NRG1: variants seen among roughly 807,000 people sequenced by gnomAD.
The protein encoded by NRG1 is pro-neuregulin-1, membrane-bound isoform.
In NRG1, 18 loss-of-function variants were observed where a neutral mutation model predicts 63.8. The observed-to-expected ratio is 0.28, with a 90% CI of 0.19 to 0.42. The LOEUF is 0.42. NRG1 is among the 10% of genes least tolerant of loss of function. The pLI is 1.00. For missense variants in NRG1, 762 were observed against 814.7 expected, an observed-to-expected ratio of 0.94 and a Z score of 0.79; for synonymous variants, 302 against 301.3, an observed-to-expected ratio of 1.00 and a Z score of -0.02.
intron 11 of NRG1, among the ~76,000 whole-genome samples, chr8:32,762,223 A>G (rs1002279279): frequency 6.6e-6 from 1 of 152,094 alleles, no homozygotes; most frequent in Non-Finnish European, 1.5e-5. Context: ...TCTTAAATTC[A>G]TATTTTTTTA....
intron 1 of NRG1, among the ~76,000 whole-genome samples, chr8:32,499,344 C>A (rs375810758): frequency 6.6e-6 from 1 of 152,104 alleles, no homozygotes; most frequent in East Asian, 1.9e-4. Flanking sequence ...GACTCTAAAG[C>A]CAGTTTTTGA....
intron 1 of NRG1, among the ~76,000 whole-genome samples, chr8:32,115,348 G>A (rs1345302871): frequency 6.6e-6 from 1 of 151,964 alleles, no homozygotes; most frequent in African/African-American, 2.4e-5. Context: ...GCCTATCATT[G>A]ACTAGAAATC....
intron 1 of NRG1, among the ~76,000 whole-genome samples, chr8:31,838,201 C>T (rs558627761): frequency 3.9e-5 from 6 of 152,100 alleles, no homozygotes; most frequent in Middle Eastern, 3.4e-3. Flanking sequence ...ATTTATTAAG[C>T]AATCCATCTT....
chr8:31,827,769 A>G (rs1824712062), intron 1 of NRG1, among the ~76,000 whole-genome samples: 3 of 152,138 alleles, frequency 2.0e-5, no homozygotes, highest in Admixed American at 2.0e-4. Context: ...TCTGGCTTTC[A>G]TTGCATCATT....
At chr8:32,331,089 C>T (rs60754823) in intron 1 of NRG1, among the ~76,000 whole-genome samples, 2 of 151,546 alleles carry the variant, frequency 1.3e-5, no homozygotes, top group African/African-American at 2.4e-5. Context: ...CTTTTTGTGG[C>T]GTGTAAAAAA....
intron 1 of NRG1, among the ~76,000 whole-genome samples, chr8:31,846,950 G>C (rs1211476342): frequency 6.6e-6 from 1 of 152,140 alleles, no homozygotes; most frequent in Non-Finnish European, 1.5e-5. Flanking sequence ...TAATAATAAA[G>C]GGGCACCTCT....
chr8:32,075,974 CAT>C (rs1826471105), intron 1 of NRG1, among the ~76,000 whole-genome samples: 2 of 152,262 alleles, frequency 1.3e-5, no homozygotes, highest in South Asian at 2.1e-4. Flanking sequence ...CGCTCGGCCA[CAT>C]GTTTTTAACT....
At chr8:31,926,767 G>A (rs767817353) in intron 1 of NRG1, among the ~76,000 whole-genome samples, 5 of 152,068 alleles carry the variant, frequency 3.3e-5, no homozygotes, top group Non-Finnish European at 7.4e-5. Context: ...GAAAAGCTTA[G>A]ACTCTGGGGA....
At chr8:31,840,793 C>T (rs1185004401) in intron 1 of NRG1, among the ~76,000 whole-genome samples, 1 of 152,152 alleles carries the variant, frequency 6.6e-6, no homozygotes, top group African/African-American at 2.4e-5. Flanking sequence ...GTTTGTATCA[C>T]TCTGTTAGGT....
At chr8:32,676,440 T>C (rs573935554) in intron 5 of NRG1, among the ~76,000 whole-genome samples, 1 of 152,318 alleles carries the variant, frequency 6.6e-6, no homozygotes, top group African/African-American at 2.4e-5. Context: ...TGTTCCGTAT[T>C]TCTCAATATG....
At chr8:31,906,316 A>C (rs1331993593) in intron 1 of NRG1, among the ~76,000 whole-genome samples, 1 of 152,216 alleles carries the variant, frequency 6.6e-6, no homozygotes. Flanking sequence ...GATCAGAGAA[A>C]GATCTAGGTG....
chr8:32,354,432 A>G (rs1806078032), intron 1 of NRG1, among the ~76,000 whole-genome samples: 1 of 152,098 alleles, frequency 6.6e-6, no homozygotes. Context: ...AAAGAAAACT[A>G]ATCTATATAA....
intron 1 of NRG1, among the ~76,000 whole-genome samples, chr8:32,371,673 G>C (rs867506926): frequency 3.9e-5 from 6 of 152,162 alleles, no homozygotes; most frequent in African/African-American, 1.4e-4. Flanking sequence ...CATGGAACTT[G>C]TCCTTTGCCT....
At chr8:32,003,665 A>G (rs918157662) in intron 1 of NRG1, among the ~76,000 whole-genome samples, 11 of 152,044 alleles carry the variant, frequency 7.2e-5, no homozygotes, top group African/African-American at 2.7e-4. Flanking sequence ...TATATCTTAT[A>G]ATTTTTGAAA....
chr8:32,346,181 A>G (rs1202793793), intron 1 of NRG1, among the ~76,000 whole-genome samples: 5 of 147,326 alleles, frequency 3.4e-5, no homozygotes, highest in Admixed American at 1.4e-4. Context: ...GTGAATATAT[A>G]CAGATGAATA....
rs1803635754 is a variant in NRG1, at chr8:31,640,439, G to A, written c.37+1008G>A. The stretch of plus-strand genomic sequence containing the variant: ...CCCACCGCCCCGGTGCCCAGCGCCG[G>A]CGAGCCCGGGGAGGAGGCGCCCTAT... On this transcript the variant is annotated intron_variant, in intron 1 of 10. Transcript: ENST00000519301. The surrounding 1 kb of genome is among the most constrained non-coding windows in gnomAD (Gnocchi z 6.3). 1 of 1,526,942 alleles carries A rather than the reference G, an allele frequency of 6.5e-7. No individual in the cohort carries two copies. Among genetic ancestry groups the A allele is most frequent in the Non-Finnish European group, 8.8e-7 (1 of 1,137,482 alleles). 94.6% of individuals were successfully genotyped at this position (1,526,942 alleles called of 1,614,324 possible). A position where few individuals can be genotyped will look rare whatever the true frequency, so the allele number is the denominator to read the frequency against.
intron 1 of NRG1, among the ~76,000 whole-genome samples, chr8:32,296,264 T>C (rs1188665250): frequency 1.3e-5 from 2 of 151,954 alleles, no homozygotes; most frequent in Non-Finnish European, 2.9e-5. Context: ...GAGGAATTAA[T>C]AGGAAAAGAA....
chr8:32,313,281 A>G (rs1453090403), intron 1 of NRG1, among the ~76,000 whole-genome samples: 4 of 152,154 alleles, frequency 2.6e-5, no homozygotes, highest in African/African-American at 9.7e-5. Flanking sequence ...ACCGGAGGCA[A>G]CTTCTACTGC....
rs1338557078 is a variant in NRG1 at position 32,284,489 on chromosome 8, G to GCCTGCCTGCCTGCCTGCCTT, written c.38-311336_38-311335insGCCTGCCTGCCTGCCTTCCT. ...ATAATGCTTGCCTCCCTGCCTGCCT[G>GCCTGCCTGCCTGCCTGCCTT]CCTTCCTTCCTTCCTTCCTTCCTTC... On this transcript the variant is annotated intron_variant, in intron 1 of 10. Transcript: ENST00000519301. 2.9e-3 allele frequency among the ~76,000 whole-genome samples: 388 copies of GCCTGCCTGCCTGCCTGCCTT among 132,598 alleles called. 2 individuals are homozygous for GCCTGCCTGCCTGCCTGCCTT. The highest frequency in any genetic ancestry group is 0.01 in the African/African-American group (357 of 34,196). 87.0% of individuals were successfully genotyped at this position (132,598 alleles called of 152,430 possible).
Sources: allele counts gnomAD v4.1 joint callset (sites outside exome capture counted in the v4.1 genomes callset), GRCh38; gene constraint gnomAD v4.1.1; non-coding constraint Gnocchi (gnomAD v3.1); transcripts MANE v1.5; gene names NCBI Gene and HGNC (gene_info 2026-07-23, HGNC 2026-07-21).